Variants in IGLON5 observed in about 807,000 individuals in gnomAD.
The protein encoded by IGLON5 is IgLON family member 5, also known as Ig-like domain-containing protein ENSP00000270642.
Under a neutral mutation model 38.2 loss-of-function variants are expected in IGLON5, and 16 were observed. That is an observed-to-expected ratio of 0.42 (90% confidence interval 0.28 to 0.64). The LOEUF (loss-of-function observed/expected upper bound fraction) is 0.64. Among genes scored for constraint, IGLON5 ranks in the 30% least tolerant of loss-of-function variants. The pLI, the probability that IGLON5 is intolerant of heterozygous loss-of-function variation, is 0.23. For synonymous variants in IGLON5, 207 were observed against 216.4 expected (o/e 0.96, Z 0.38); for missense variants, 366 against 483.4 (o/e 0.76, Z 2.28).
rs555894955 is a variant in IGLON5 at position 51,325,666 on chromosome 19, G to A, written c.511+201G>A. Among the ~76,000 whole-genome samples, 7 of 152,046 alleles carry A rather than the reference G, an allele frequency of 4.6e-5. No individual in the cohort carries two copies. In the South Asian group the frequency reaches 8.3e-4, roughly 18 times the overall value. On this transcript the variant is annotated intron_variant, in intron 4 of 7. Coordinates refer to ENST00000270642, the MANE Select transcript of IGLON5 (RefSeq NM_001101372.3). This position sits in a 1 kb window ranked among gnomAD's most constrained non-coding sequence, Gnocchi z 5.5. The stretch of plus-strand genomic sequence containing the variant: ...CGTCACCACTGGCTTTCCACCTGCC[G>A]TCCTAGGCCTGGGCCACTGCTTCTG...
intron 1 of IGLON5, among the ~76,000 whole-genome samples, chr19:51,319,913 G>A (rs1985011970): frequency 6.6e-6 from 1 of 152,006 alleles, no homozygotes; most frequent in Non-Finnish European, 1.5e-5. Flanking sequence ...GGTGTAGCTG[G>A]AGCTGTTTGT....
At chr19:51,318,021 C>T (rs1984964246) in intron 1 of IGLON5, among the ~76,000 whole-genome samples, 1 of 152,176 alleles carries the variant, frequency 6.6e-6, no homozygotes, top group South Asian at 2.1e-4. Flanking sequence ...TGGCTCGACC[C>T]TGGGGGGACA....
At chr19:51,314,930 G>C (rs1316191687) in intron 1 of IGLON5, among the ~76,000 whole-genome samples, 2 of 152,150 alleles carry the variant, frequency 1.3e-5, no homozygotes, top group Non-Finnish European at 1.5e-5. Context: ...CACTTCTGCA[G>C]ACTTAGACAC....
intron 1 of IGLON5, among the ~76,000 whole-genome samples, chr19:51,320,802 A>G (rs1017982544): frequency 6.6e-6 from 1 of 152,136 alleles, no homozygotes; most frequent in Non-Finnish European, 1.5e-5. Flanking sequence ...TGTGTTATCT[A>G]CATGCATCTG....
chr19:51,319,309 G>A (rs1984999079), intron 1 of IGLON5, among the ~76,000 whole-genome samples: 1 of 150,802 alleles, frequency 6.6e-6, no homozygotes, highest in African/African-American at 2.4e-5. Flanking sequence ...GTGTGCGTGT[G>A]TGTGTGTGTG....
chr19:51,323,648 C>G lies in IGLON5; in HGVS notation c.159-14C>G. 1.3e-6 allele frequency: 2 copies of G among 1,597,454 alleles called. No homozygotes were observed. The highest frequency in any genetic ancestry group is 1.7e-6 in the Non-Finnish European group (2 of 1,167,428). ...GTGGGTGGAGAAAAACCTTCCCACT[C>G]ATTCTCCCTGCAGCTGCTTCATCGA... On this transcript the variant is annotated splice_polypyrimidine_tract_variant and intron_variant, in intron 2 of 7. Transcript: ENST00000270642.
chr19:51,320,764 C>A (rs529140007), intron 1 of IGLON5, among the ~76,000 whole-genome samples: 2 of 152,058 alleles, frequency 1.3e-5, no homozygotes, highest in South Asian at 4.2e-4. Context: ...GTGTTCATAT[C>A]TGTGTGTCTG....
At chr19:51,319,237 G>A (rs1984995977) in intron 1 of IGLON5, among the ~76,000 whole-genome samples, 1 of 152,176 alleles carries the variant, frequency 6.6e-6, no homozygotes. Flanking sequence ...TGGCAGCACT[G>A]AATGTGGCAC....
chr19:51,326,930 T>G (rs1192016082), intron 5 of IGLON5, 32 bp downstream of exon 5: 1 of 1,570,534 alleles, frequency 6.4e-7, no homozygotes, highest in Non-Finnish European at 8.6e-7. Flanking sequence ...CACGAAAGGG[T>G]GGCGGACCCC....
rs1985205851 is a variant in IGLON5, at chr19:51,325,941, T to C, written c.511+476T>C. Among the ~76,000 whole-genome samples, 1 of 151,974 alleles carries C rather than the reference T, an allele frequency of 6.6e-6. No homozygotes were observed. The highest frequency in any genetic ancestry group is 6.6e-5 in the Admixed American group (1 of 15,254). ...CTTGGGAACTTGCCAGGAATGCACT[T>C]TCCCAGGCTCCAACCAAGACCTGCT... is the stretch of plus-strand genomic sequence containing the variant. On this transcript the variant is annotated intron_variant, in intron 4 of 7. Coordinates refer to ENST00000270642, the MANE Select transcript of IGLON5 (RefSeq NM_001101372.3). This position sits in a 1 kb window ranked among gnomAD's most constrained non-coding sequence, Gnocchi z 5.5.
rs1985075938 is a variant in IGLON5, at chr19:51,322,130, A to G, written c.146A>G (p.Asn49Ser). 1 of 1,612,194 alleles carries G rather than the reference A, an allele frequency of 6.2e-7. No individual in the cohort carries two copies. Among genetic ancestry groups the G allele is most frequent in the Non-Finnish European group, 8.5e-7 (1 of 1,179,186 alleles). Residue 49 changes from asparagine to serine, a missense_variant, in exon 2 of 8, where the codon AAC becomes AGC. Physicochemically the swap from Asn to Ser is conservative, Grantham distance 46. Transcript: ENST00000270642. ...AACTACACAGTGTGTGAAGGTGACA[A>G]CGCCACCCTCAGGTACCTCCCTCGG... Reference protein sequence around the residue: ...ADNYTVCEGDNATLSCFIDEH... With the variant: ...ADNYTVCEGDSATLSCFIDEH...
At chr19:51,318,672 C>G (rs1233619483) in intron 1 of IGLON5, among the ~76,000 whole-genome samples, 1 of 152,078 alleles carries the variant, frequency 6.6e-6, no homozygotes, top group African/African-American at 2.4e-5. Context: ...GAGGTTGAGG[C>G]TGCAGTGAGC....
Position 51,328,691 on chromosome 19 carries a change from TCAGCCCCGAGGCCCC to T in IGLON5, c.947_961del (p.Ala316_Pro320del). On this transcript the variant is annotated inframe_deletion, in exon 8 of 8. Transcript: ENST00000270642. The stretch of plus-strand genomic sequence containing the variant: ...CCCAGGCCCAGGATCCCTGGAGAAC[TCAGCCCCGAGGCCCC>T]CAGGGCTCCTGGCCCTCCTCTCCGC... 1 of 1,589,806 alleles carries T rather than the reference TCAGCCCCGAGGCCCC, an allele frequency of 6.3e-7. No homozygotes were observed. Among genetic ancestry groups the T allele is most frequent in the Non-Finnish European group, 8.6e-7 (1 of 1,168,060 alleles).
chr19:51,319,428 T>C (rs1985002243), intron 1 of IGLON5, among the ~76,000 whole-genome samples: 1 of 152,128 alleles, frequency 6.6e-6, no homozygotes, highest in Non-Finnish European at 1.5e-5. Flanking sequence ...TGTTGCTGTC[T>C]TGTTACACGG....
intron 1 of IGLON5, among the ~76,000 whole-genome samples, chr19:51,320,915 G>A (rs1287608136): frequency 6.6e-6 from 1 of 152,182 alleles, no homozygotes; most frequent in African/African-American, 2.4e-5. Flanking sequence ...ACGTATATAT[G>A]TGTGTTTCTG....
At chr19:51,316,478 T>C (rs1984929150) in intron 1 of IGLON5, among the ~76,000 whole-genome samples, 1 of 150,566 alleles carries the variant, frequency 6.6e-6, no homozygotes, top group South Asian at 2.1e-4. Context: ...TTTTTCTTTG[T>C]TTTTCTTTTC....
In IGLON5 at chr19:51,327,678, G is replaced by A. The variant is rs1450521933; in HGVS notation, c.768-54G>A. 3 of 1,537,660 alleles carry A rather than the reference G, an allele frequency of 2.0e-6. No homozygotes were observed. The highest frequency in any genetic ancestry group is 4.9e-5 in the East Asian group (2 of 41,006). On this transcript the variant is annotated intron_variant, in intron 6 of 7. Transcript: ENST00000270642. The surrounding 1 kb of genome is among the most constrained non-coding windows in gnomAD (Gnocchi z 7.1). ...GGGAACGGAGGAGCCTGAGAGTCGGGGGGCTGGCCTGGCTGGGCGCTGCGG... is the reference window on the plus strand; with the variant it reads ...GGGAACGGAGGAGCCTGAGAGTCGGAGGGCTGGCCTGGCTGGGCGCTGCGG...
rs559854837 is a variant in IGLON5 at position 51,318,465 on chromosome 19, C to G, written c.80-3599C>G. Among the ~76,000 whole-genome samples, 6 of 152,270 alleles carry G rather than the reference C, an allele frequency of 3.9e-5. 1 individual carries two copies. The South Asian group carries it at 1.2e-3, about 32-fold the overall frequency. The stretch of plus-strand genomic sequence containing the variant: ...CAGTGACCAGATAATAAAGCCCTGA[C>G]CAGGCACTCTGGCTCACGCCTGCAA... On this transcript the variant is annotated intron_variant, in intron 1 of 7. Transcript: ENST00000270642.
chr19:51,311,997 G>T (rs920025035), intron 1 of IGLON5, 71 bp downstream of exon 1: 32 of 841,072 alleles, frequency 3.8e-5, no homozygotes, highest in East Asian at 7.3e-5. Flanking sequence ...GGGGGATCAG[G>T]GGTGGGGGTC....
Sources: allele counts gnomAD v4.1 joint callset (sites outside exome capture counted in the v4.1 genomes callset), GRCh38; gene constraint gnomAD v4.1.1; non-coding constraint Gnocchi (gnomAD v3.1); transcripts MANE v1.5; gene names NCBI Gene and HGNC (gene_info 2026-07-23, HGNC 2026-07-21).